Variants in AOX1 observed in about 807,000 individuals in gnomAD.
AOX1 encodes aldehyde oxidase 1, also known as aldehyde oxidase.
A neutral mutation model predicts 169.5 loss-of-function variants in AOX1; 153 were observed. That is an observed-to-expected ratio of 0.90 (90% CI 0.79 to 1.03). AOX1 has a LOEUF of 1.03. AOX1 is among the 50% of genes least tolerant of loss of function. AOX1 has a pLI of 0.00. For missense variants in AOX1, 1,656 were observed against 1,663.9 expected, an observed-to-expected ratio of 1.00 and a Z score of 0.08; for synonymous variants, 562 against 581.9, an observed-to-expected ratio of 0.97 and a Z score of 0.49.
At chr2:200,641,226 G>A (rs2035346606) in intron 24 of AOX1, 42 bp downstream of exon 24, 1 of 1,348,212 alleles carries the variant, frequency 7.4e-7, no homozygotes, top group African/African-American at 1.4e-5. Context: ...TGAAAAGAGT[G>A]TTACATAAAA....
rs577230565 is a variant in AOX1 at position 200,587,067 on chromosome 2, G to C, written c.45+914G>C. Among the ~76,000 whole-genome samples, 7 of 151,576 alleles carry C rather than the reference G, an allele frequency of 4.6e-5. No individual in the cohort carries two copies. The South Asian group carries it at 1.5e-3, about 32-fold the overall frequency. ...GGATTGCTTGAGCCCAGGAGTTCGA[G>C]TTTAGCCTGGGCAACATGGCGAAAC... On this transcript the variant is annotated intron_variant, in intron 1 of 34. Coordinates refer to ENST00000374700, the MANE Select transcript of AOX1 (RefSeq NM_001159.4).
In AOX1 at chr2:200,591,512, C is replaced by T. The variant is rs541312768; in HGVS notation, c.46-1634C>T. 2.0e-5 allele frequency among the ~76,000 whole-genome samples: 3 copies of T among 152,290 alleles called. No homozygotes were observed. In the East Asian group the frequency reaches 5.8e-4, roughly 29 times the overall value. On this transcript the variant is annotated intron_variant, in intron 1 of 34. Coordinates refer to ENST00000374700, the MANE Select transcript of AOX1 (RefSeq NM_001159.4). ...AGTCCAACGCACCCCCTGGACTGTC[C>T]AGTTCATCCGTGTGGCCTGAGTTCG...
rs779334803 is a variant in AOX1, at chr2:200,604,841, G to A, written c.814+1G>A. The A allele has an allele frequency of 7.2e-7, 1 of 1,385,708 alleles. No individual in the cohort carries two copies. Among genetic ancestry groups the A allele is most frequent in the South Asian group, 1.1e-5 (1 of 88,296 alleles). The allele number at this position is 1,385,708 out of a possible 1,614,324, so 85.8% of individuals were successfully genotyped here. ...GTTATCATGGGAAACACCTCTGTGG[G>A]TATGTAGAACCCCAGGGATTTTTTA... On this transcript the variant is annotated splice_donor_variant, in intron 9 of 34. Transcript: ENST00000374700. LOFTEE classifies it high-confidence loss of function.
chr2:200,613,504 T>C (rs969732282), intron 14 of AOX1, among the ~76,000 whole-genome samples: 5 of 152,178 alleles, frequency 3.3e-5, no homozygotes, highest in Non-Finnish European at 5.9e-5. Context: ...TGAGGACATT[T>C]ATTAGTGAGT....
rs750682949 is a variant in AOX1, at chr2:200,609,315, TAA to T, written c.1060-3_1060-2del. 9 of 1,612,920 alleles carry T rather than the reference TAA, an allele frequency of 5.6e-6. No individual in the cohort carries two copies. The Admixed American group carries it at 1.5e-4, about 27-fold the overall frequency. ...ATAAATGAAAATAACTCATTATTTTTAAAAGTCTTTAGGGGGACACATCATTA... is the reference window on the plus strand; with the variant it reads ...ATAAATGAAAATAACTCATTATTTTTAAGTCTTTAGGGGGACACATCATTA... On this transcript the variant is annotated splice_region_variant and splice_polypyrimidine_tract_variant and intron_variant, in intron 11 of 34. Coordinates refer to ENST00000374700, the MANE Select transcript of AOX1 (RefSeq NM_001159.4).
At position 200,599,263 on chromosome 2, in the gene AOX1, G is replaced by A. The variant is rs368321612; in HGVS notation, c.310-357G>A. On this transcript the variant is annotated intron_variant, in intron 4 of 34. Coordinates refer to ENST00000374700, the MANE Select transcript of AOX1 (RefSeq NM_001159.4). ...CAGTAATTCACAACCACAACTGCAC[G>A]TTGAAACCAACCATGTGGGAATCTT... Among the ~76,000 whole-genome samples, 4 of 152,204 alleles carry A rather than the reference G, an allele frequency of 2.6e-5. No individual in the cohort carries two copies. The East Asian group carries it at 7.7e-4, about 29-fold the overall frequency.
intron 25 of AOX1, among the ~76,000 whole-genome samples, chr2:200,645,021 T>G (rs1397221093): frequency 6.6e-6 from 1 of 152,194 alleles, no homozygotes; most frequent in Non-Finnish European, 1.5e-5. Context: ...CTTTACCGAT[T>G]TGGATGCCCT....
At chr2:200,675,427 C>T (rs1200054447), downstream of AOX1, among the ~76,000 whole-genome samples, 2 of 152,154 alleles carry the variant, frequency 1.3e-5, no homozygotes, top group African/African-American at 4.8e-5. Flanking sequence ...GTCATTTCTC[C>T]CACATCCTGG....
At chr2:200,677,962 A>G (rs778183427), downstream of AOX1, among the ~76,000 whole-genome samples, 27 of 152,204 alleles carry the variant, frequency 1.8e-4, no homozygotes, top group Admixed American at 3.3e-4. Flanking sequence ...AGCAAGCACT[A>G]GAGGGACCCT....
intron 20 of AOX1, among the ~76,000 whole-genome samples, chr2:200,632,138 T>C (rs1363473067): frequency 1.3e-5 from 2 of 152,062 alleles, no homozygotes; most frequent in Non-Finnish European, 2.9e-5. Flanking sequence ...TCAGTAATAA[T>C]TGTATTCTGT....
intron 7 of AOX1, 50 bp from the exon 8 acceptor site, chr2:200,603,967 G>A: frequency 7.9e-7 from 1 of 1,261,582 alleles, no homozygotes; most frequent in Non-Finnish European, 1.2e-6. Context: ...TTCCACAAAG[G>A]ATTTTAAAGT....
At chr2:200,667,488 C>T (rs895074842) in intron 32 of AOX1, among the ~76,000 whole-genome samples, 7 of 125,046 alleles carry the variant, frequency 5.6e-5, no homozygotes, top group South Asian at 5.9e-4. Flanking sequence ...GCATTATTGG[C>T]GAATGGGAAG....
At chr2:200,657,190 A>ATATATATATTTTTTTTTTTTTT in intron 27 of AOX1, among the ~76,000 whole-genome samples, 1 of 62,880 alleles carries the variant, frequency 1.6e-5, no homozygotes, top group African/African-American at 7.9e-5. Context: ...ATATATATAT[A>ATATATATATTTTTTTTTTTTTT]TTTTTTTTTT....
At chr2:200,633,141 A>G (rs139713925) in intron 20 of AOX1, among the ~76,000 whole-genome samples, 167 of 152,216 alleles carry the variant, frequency 1.1e-3, no homozygotes, top group African/African-American at 3.9e-3. Flanking sequence ...TTTCTTTCTC[A>G]TAGCTTTCAA....
intron 19 of AOX1, among the ~76,000 whole-genome samples, chr2:200,624,828 C>A (rs565900557): frequency 6.6e-6 from 1 of 152,122 alleles, no homozygotes; most frequent in Non-Finnish European, 1.5e-5. Context: ...AGAATGAACA[C>A]TGGGGAGGCA....
intron 22 of AOX1, among the ~76,000 whole-genome samples, chr2:200,637,293 G>A (rs1283016639): frequency 6.6e-6 from 1 of 152,176 alleles, no homozygotes; most frequent in Non-Finnish European, 1.5e-5. Context: ...GGCAGAAACA[G>A]GTCCTGAATG....
intron 31 of AOX1, among the ~76,000 whole-genome samples, chr2:200,663,899 T>C (rs1302574668): frequency 1.3e-5 from 2 of 152,236 alleles, no homozygotes; most frequent in African/African-American, 2.4e-5. Context: ...GTCTCCAGCA[T>C]GTATTTTTTA....
intron 4 of AOX1, among the ~76,000 whole-genome samples, chr2:200,597,792 C>T (rs1039870700): frequency 6.6e-6 from 1 of 152,156 alleles, no homozygotes; most frequent in African/African-American, 2.4e-5. Flanking sequence ...TGGGACCTAT[C>T]TATTTGACAT....
intron 9 of AOX1, 79 bp from the exon 10 acceptor site, chr2:200,605,457 A>C (rs1389267589): frequency 5.2e-6 from 3 of 581,874 alleles, no homozygotes; most frequent in Non-Finnish European, 8.5e-6. Context: ...ATATTAGTTT[A>C]ATAATAATTT....
Sources: gnomAD v4.1 joint callset for allele counts (sites outside exome capture counted in the v4.1 genomes callset) on GRCh38, gnomAD v4.1.1 for gene constraint, MANE v1.5 for transcripts, NCBI Gene and HGNC (gene_info 2026-07-23, HGNC 2026-07-21) for gene names.